Variants in POLR3B observed in about 807,000 individuals in gnomAD.
The protein encoded by POLR3B is RNA polymerase III subunit B.
POLR3B carries 96 observed loss-of-function variants against 147.4 expected under a neutral mutation model. That is an observed-to-expected ratio of 0.65 (90% CI 0.55 to 0.77). The LOEUF (loss-of-function observed/expected upper bound fraction) is 0.77, where lower values mean the gene tolerates loss of function less well. POLR3B is among the 30% of genes least tolerant of loss of function. The pLI is 0.00. For synonymous variants in POLR3B, 461 were observed against 485.9 expected (o/e 0.95, Z 0.67); for missense variants, 1,036 against 1,413.5 (o/e 0.73, Z 4.28).
At chr12:106,373,345 A>G (rs186607526) in intron 6 of POLR3B, among the ~76,000 whole-genome samples, 7 of 152,222 alleles carry the variant, frequency 4.6e-5, no homozygotes, top group African/African-American at 1.7e-4. Context: ...TATCTTCTTT[A>G]TCTCTTATAA....
chr12:106,439,155 G>A (rs529307610), intron 18 of POLR3B, among the ~76,000 whole-genome samples: 23 of 152,178 alleles, frequency 1.5e-4, no homozygotes, highest in African/African-American at 3.6e-4. Context: ...CAGGAGAATC[G>A]CCTGAGGCCA....
intron 10 of POLR3B, among the ~76,000 whole-genome samples, chr12:106,400,683 G>A (rs565692752): frequency 2.2e-4 from 33 of 152,216 alleles, no homozygotes; most frequent in Admixed American, 8.5e-4. Context: ...ACTCAAAACC[G>A]CTCAACTACA....
intron 12 of POLR3B, among the ~76,000 whole-genome samples, chr12:106,422,364 C>T (rs947640541): frequency 2.0e-5 from 3 of 152,138 alleles, no homozygotes; most frequent in Non-Finnish European, 2.9e-5. Flanking sequence ...CTGAGGCCTC[C>T]CCAGAAACTG....
chr12:106,402,368 G>T (rs1333413638), intron 10 of POLR3B, among the ~76,000 whole-genome samples: 1 of 152,140 alleles, frequency 6.6e-6, no homozygotes, highest in African/African-American at 2.4e-5. Flanking sequence ...TCAATATCGT[G>T]AAAATGGCCA....
chr12:106,397,152 C>T (rs2036990318), intron 10 of POLR3B, among the ~76,000 whole-genome samples: 1 of 150,898 alleles, frequency 6.6e-6, no homozygotes, highest in Non-Finnish European at 1.5e-5. Flanking sequence ...CATTGTTGTT[C>T]CAAAATAATA....
chr12:106,428,972 C>G (rs1199374382), intron 13 of POLR3B, among the ~76,000 whole-genome samples: 1 of 152,160 alleles, frequency 6.6e-6, no homozygotes, highest in African/African-American at 2.4e-5. Flanking sequence ...TTTTCTGCTA[C>G]AAGGGTTTTT....
chr12:106,393,048 T>A lies in POLR3B; in HGVS notation c.741T>A (p.Ser247Arg), dbSNP rs767801107. The A allele has an allele frequency of 7.4e-6, 12 of 1,614,002 alleles. No individual in the cohort carries two copies. In the African/African-American group the frequency reaches 1.5e-4, roughly 20 times the overall value. The change falls in exon 10 of 28, where the codon AGT (serine) becomes AGA (arginine). Residue 247 changes from serine (S) to arginine (R), a missense_variant. Ser to Arg is a moderately radical substitution (Grantham distance 110). This residue lies in a region of POLR3B where 217 missense variants were observed against 288.7 expected (regional missense o/e 0.75). Transcript: ENST00000228347. ...VIIFKAMGVE[S>R]DQEIVQMIGT... ...CTTCCTAGGCCATGGGTGTTGAGAGTGACCAGGAAATTGTGCAGATGATTG... is the reference window on the plus strand; with the variant it reads ...CTTCCTAGGCCATGGGTGTTGAGAGAGACCAGGAAATTGTGCAGATGATTG...
chr12:106,441,034 C>T (rs1436665332), intron 18 of POLR3B, among the ~76,000 whole-genome samples: 1 of 152,122 alleles, frequency 6.6e-6, no homozygotes, highest in African/African-American at 2.4e-5. Flanking sequence ...TCCCATCCCA[C>T]CAGACTCCAC....
rs756901980 is a variant in POLR3B at position 106,459,213 on chromosome 12, T to C, written c.2453-38T>C. 8 of 1,103,948 alleles carry C rather than the reference T, an allele frequency of 7.2e-6. No homozygotes were observed. The Admixed American group carries it at 1.3e-4, about 19-fold the overall frequency. 68.4% of individuals were successfully genotyped at this position (1,103,948 alleles called of 1,614,324 possible). A position where few individuals can be genotyped will look rare whatever the true frequency, so the allele number is the denominator to read the frequency against. ...TCGTAATCTTTGTATTCCACACAGA[T>C]GATAACGATGTGCCTAACACTTTTC... On this transcript the variant is annotated intron_variant, in intron 21 of 27. Transcript: ENST00000228347.
chr12:106,503,436 CT>C (rs1256726655), intron 26 of POLR3B, among the ~76,000 whole-genome samples: 13 of 152,080 alleles, frequency 8.5e-5, no homozygotes, highest in South Asian at 2.1e-4. Flanking sequence ...AGGGAGCTTG[CT>C]TTTTTTTCCC....
intron 23 of POLR3B, among the ~76,000 whole-genome samples, chr12:106,478,752 G>T (rs2038218461): frequency 2.0e-5 from 3 of 151,976 alleles, no homozygotes; most frequent in African/African-American, 7.2e-5. Context: ...AATAATAAAT[G>T]CACATGGTTT....
intron 22 of POLR3B, among the ~76,000 whole-genome samples, chr12:106,459,961 A>G (rs2037912967): frequency 6.6e-6 from 1 of 152,224 alleles, no homozygotes; most frequent in African/African-American, 2.4e-5. Flanking sequence ...AGGGCCAATG[A>G]TAGTCACCAC....
Position 106,437,755 on chromosome 12 carries a change from C to T in POLR3B, c.1931C>T (p.Ala644Val), listed in dbSNP as rs1287153394. Residue 644 changes from alanine to valine, a missense_variant, in exon 18 of 28, where the codon GCA becomes GTA. Ala to Val is a moderately conservative substitution (Grantham distance 64). Coordinates refer to ENST00000228347, the MANE Select transcript of POLR3B (RefSeq NM_018082.6). Reference sequence around the variant, plus strand: ...AATGAAGAAAATGATTGTAACATTGCACTGTACGAACACACAATTAATAAG... The same window carrying T: ...AATGAAGAAAATGATTGTAACATTGTACTGTACGAACACACAATTAATAAG... ...DVNEENDCNI[A>V]LYEHTINKDT... 2.4e-5 allele frequency: 38 copies of T among 1,590,462 alleles called. No individual in the cohort carries two copies. The highest frequency in any genetic ancestry group is 1.2e-4 in the Admixed American group (7 of 59,962).
intron 27 of POLR3B, among the ~76,000 whole-genome samples, chr12:106,505,317 T>G (rs2038669011): frequency 6.6e-6 from 1 of 152,102 alleles, no homozygotes; most frequent in Non-Finnish European, 1.5e-5. Context: ...AGACAGAGTC[T>G]CACTCTGTCA....
At chr12:106,371,332 CTG>C (rs1460637500) in intron 6 of POLR3B, among the ~76,000 whole-genome samples, 1 of 152,170 alleles carries the variant, frequency 6.6e-6, no homozygotes, top group Non-Finnish European at 1.5e-5. Context: ...CACATTTACT[CTG>C]TTGGTGGGAC....
In POLR3B at chr12:106,509,480, G is replaced by C; in HGVS notation, c.3333G>C (p.Lys1111Asn). 6.2e-7 allele frequency: 1 copy of C among 1,613,592 alleles called. No individual in the cohort carries two copies. The highest frequency in any genetic ancestry group is 8.5e-7 in the Non-Finnish European group (1 of 1,179,588). The change falls in exon 28 of 28, where the codon AAG (lysine) becomes AAC (asparagine). Residue 1111 changes from lysine (K) to asparagine (N), a missense_variant. Coordinates refer to ENST00000228347, the MANE Select transcript of POLR3B (RefSeq NM_018082.6). The stretch of plus-strand genomic sequence containing the variant: ...CCCTCCGTATTCCGTATGCCTGCAA[G>C]CTGCTCTTCCAGGAACTACAGTCTA... ...VSSLRIPYACKLLFQELQSMN... is the reference protein window; with the variant it reads ...VSSLRIPYACNLLFQELQSMN...
intron 22 of POLR3B, among the ~76,000 whole-genome samples, chr12:106,459,714 A>G (rs2037910985): frequency 6.6e-6 from 1 of 152,166 alleles, no homozygotes; most frequent in Non-Finnish European, 1.5e-5. Flanking sequence ...AGAGAGTGAC[A>G]TGATAAGAGT....
Position 106,509,411 on chromosome 12 carries a change from G to C in POLR3B, c.3273-9G>C. On this transcript the variant is annotated splice_polypyrimidine_tract_variant and intron_variant, in intron 27 of 27. Transcript: ENST00000228347. The stretch of plus-strand genomic sequence containing the variant: ...CTGTCTGTCTAACGCTTGCTGACTT[G>C]CGTTTCAGGTGCCATTACTGCAAGT... 6.2e-7 allele frequency: 1 copy of C among 1,613,514 alleles called. No individual in the cohort carries two copies. The highest frequency in any genetic ancestry group is 8.5e-7 in the Non-Finnish European group (1 of 1,179,600).
intron 12 of POLR3B, among the ~76,000 whole-genome samples, chr12:106,426,839 T>TTCCCC (rs2037444378): frequency 2.4e-4 from 6 of 25,290 alleles, no homozygotes; most frequent in African/African-American, 5.1e-4. Flanking sequence ...TTCTCCACCG[T>TTCCCC]CCCCCCCCCC....
Sources: allele counts gnomAD v4.1 joint callset (sites outside exome capture counted in the v4.1 genomes callset), GRCh38; gene constraint gnomAD v4.1.1; regional missense constraint gnomAD v4.1.1; transcripts MANE v1.5; gene names NCBI Gene and HGNC (gene_info 2026-07-23, HGNC 2026-07-21).